The following PREX1 variants were observed in gnomAD, a reference collection of about 807,000 sequenced individuals.
PREX1 encodes phosphatidylinositol-3,4,5-trisphosphate dependent Rac exchange factor 1, also known as phosphatidylinositol 3,4,5-trisphosphate-dependent Rac exchanger 1 protein.
PREX1 carries 41 observed loss-of-function variants against 198.3 expected under a neutral mutation model. The ratio of observed to expected loss-of-function variants is 0.21; its 90% CI spans 0.16 to 0.27. The LOEUF is 0.27. Among genes scored for constraint, PREX1 ranks in the 10% least tolerant of loss-of-function variants. PREX1 has a pLI of 1.00. For synonymous variants in PREX1, 843 were observed against 887.2 expected (o/e 0.95, Z 0.89); for missense variants, 1,620 against 2,200.7 (o/e 0.74, Z 5.28).
At chr20:48,661,486 A>C (rs1467009376) in intron 15 of PREX1, among the ~76,000 whole-genome samples, 1 of 126,148 alleles carries the variant, frequency 7.9e-6, no homozygotes, top group African/African-American at 3.4e-5. Context: ...CATATATATA[A>C]TATAATATAT....
the PREX1 span, among the ~76,000 whole-genome samples, chr20:48,866,771 A>T: frequency 2.6e-5 from 4 of 152,064 alleles, no homozygotes; most frequent in Non-Finnish European, 5.9e-5. Flanking sequence ...TACCCCCAAA[A>T]ATATAAAATT....
intron 2 of PREX1, among the ~76,000 whole-genome samples, chr20:48,746,941 AACACACACACACAC>A (rs57506374): frequency 0.087 from 10,215 of 117,512 alleles, 666 homozygotes; most frequent in Middle Eastern, 0.13. Context: ...CCAGTGCATG[AACACACACACACAC>A]ACACACACAC....
chr20:48,769,916 G>A (rs1421555209), intron 1 of PREX1, among the ~76,000 whole-genome samples: 8 of 152,204 alleles, frequency 5.3e-5, no homozygotes, highest in Non-Finnish European at 4.4e-5. Flanking sequence ...CACACGGTGA[G>A]GGAGAGAGCT....
At chr20:48,628,247 A>T (rs534154604) in intron 37 of PREX1, among the ~76,000 whole-genome samples, 1 of 152,328 alleles carries the variant, frequency 6.6e-6, no homozygotes, top group East Asian at 1.9e-4. Flanking sequence ...TGCCTCGCTC[A>T]GAGGAGGACT....
At position 48,770,192 on chromosome 20, in the gene PREX1, C is replaced by T. The variant is rs188734412; in HGVS notation, c.220-22312G>A. ...GCCCAGGAAGCGGGCATAAGAATTA[C>T]CTGTCAAGCTTTTCAAAACACATGT... On this transcript the variant is annotated intron_variant, in intron 1 of 39. Transcript: ENST00000371941. Among the ~76,000 whole-genome samples, 3 of 152,276 alleles carry T rather than the reference C, an allele frequency of 2.0e-5. No homozygotes were observed. The East Asian group carries it at 5.8e-4, about 29-fold the overall frequency.
chr20:48,778,017 G>A (rs1568860746), intron 1 of PREX1, among the ~76,000 whole-genome samples: 1 of 152,132 alleles, frequency 6.6e-6, no homozygotes, highest in Non-Finnish European at 1.5e-5. Context: ...GGGAAGGGTG[G>A]GGACTGTGGC....
intron 5 of PREX1, among the ~76,000 whole-genome samples, chr20:48,724,559 T>C (rs2090001422): frequency 6.6e-6 from 1 of 152,274 alleles, no homozygotes. Flanking sequence ...TTTTAGGCTC[T>C]GCTGGCTACA....
intron 1 of PREX1, among the ~76,000 whole-genome samples, chr20:48,771,330 G>T (rs556257981): frequency 6.6e-6 from 1 of 151,182 alleles, no homozygotes; most frequent in East Asian, 1.9e-4. Context: ...AAGTATCTGG[G>T]GATTTTCCCC....
intron 1 of PREX1, among the ~76,000 whole-genome samples, chr20:48,783,619 C>G (rs1174092497): frequency 6.6e-6 from 1 of 152,090 alleles, no homozygotes; most frequent in Non-Finnish European, 1.5e-5. Context: ...GGAGAAATAA[C>G]AAAGGACCTA....
chr20:48,646,855 T>A (rs2089455301), intron 25 of PREX1, among the ~76,000 whole-genome samples: 1 of 152,052 alleles, frequency 6.6e-6, no homozygotes, highest in African/African-American at 2.4e-5. Context: ...AAGCTAATTA[T>A]TTAAACTCTC....
chr20:48,747,762 A>C (rs1568849053), intron 2 of PREX1, 47 bp downstream of exon 2: 1 of 1,557,102 alleles, frequency 6.4e-7, no homozygotes, highest in Non-Finnish European at 8.8e-7. Context: ...GCAAGGCACA[A>C]AGCAACACAG....
intron 2 of PREX1, among the ~76,000 whole-genome samples, chr20:48,746,941 AACACACACACACACACAC>A (rs57506374): frequency 0.067 from 7,929 of 117,624 alleles, 411 homozygotes; most frequent in African/African-American, 0.093. Context: ...CCAGTGCATG[AACACACACACACACACAC>A]ACACACACAC....
chr20:48,881,550 G>A, the PREX1 span, among the ~76,000 whole-genome samples: 4 of 150,326 alleles, frequency 2.7e-5, no homozygotes, highest in South Asian at 2.1e-4. Context: ...GCAATGGTAC[G>A]ATCTCAGCTC....
At chr20:48,656,355 C>T (rs1474704424) in intron 18 of PREX1, 1 of 414,476 alleles carries the variant, frequency 2.4e-6, no homozygotes, top group Non-Finnish European at 4.9e-6. Context: ...CTGAGCTCCA[C>T]TTGCAGCCAC....
chr20:48,862,825 TA>T, the PREX1 span, among the ~76,000 whole-genome samples: 1 of 125,092 alleles, frequency 8.0e-6, no homozygotes, highest in Non-Finnish European at 1.6e-5. Flanking sequence ...TAATAAACGT[TA>T]TTTTTTTTTT....
chr20:48,627,814 G>A (rs1365031919), intron 38 of PREX1, 47 bp downstream of exon 38: 5 of 1,557,630 alleles, frequency 3.2e-6, no homozygotes, highest in Non-Finnish European at 4.4e-6. Context: ...AGCATGCCAC[G>A]CCCTCAGCCC....
intron 3 of PREX1, among the ~76,000 whole-genome samples, chr20:48,734,915 A>T (rs1437793906): frequency 6.6e-6 from 1 of 152,096 alleles, no homozygotes; most frequent in Non-Finnish European, 1.5e-5. Flanking sequence ...ACTCAAGAAG[A>T]GCAGCCTGGG....
intron 1 of PREX1, among the ~76,000 whole-genome samples, chr20:48,750,973 C>T (rs922091061): frequency 6.6e-6 from 1 of 152,174 alleles, no homozygotes; most frequent in Non-Finnish European, 1.5e-5. Context: ...GAATACAGCA[C>T]CTTTTAGAAT....
the PREX1 span, among the ~76,000 whole-genome samples, chr20:48,852,317 G>A: frequency 1.3e-5 from 2 of 152,002 alleles, no homozygotes; most frequent in Admixed American, 6.6e-5. Context: ...CAGACCCACC[G>A]AAACCTACTC....
Sources: gnomAD v4.1 joint callset for allele counts (sites outside exome capture counted in the v4.1 genomes callset) on GRCh38, gnomAD v4.1.1 for gene constraint, MANE v1.5 for transcripts, NCBI Gene and HGNC (gene_info 2026-07-23, HGNC 2026-07-21) for gene names.